The following LRP6 variants were observed in gnomAD, a reference collection of about 807,000 sequenced individuals.
LRP6 encodes low-density lipoprotein receptor-related protein 6.
Under a neutral mutation model 184.1 loss-of-function variants are expected in LRP6, and 43 were observed. The observed-to-expected ratio is 0.23, with a 90% confidence interval of 0.18 to 0.30. The LOEUF is 0.30. Ranked by LOEUF, LRP6 falls within the 10% of genes least tolerant of loss-of-function variation. The pLI is 1.00. For synonymous variants in LRP6, 719 were observed against 684.9 expected (o/e 1.05, Z -0.78); for missense variants, 1,571 against 2,005.3 (o/e 0.78, Z 4.14).
chr12:12,248,193 C>T (rs1865234772), intron 1 of LRP6, among the ~76,000 whole-genome samples: 1 of 152,186 alleles, frequency 6.6e-6, no homozygotes, highest in African/African-American at 2.4e-5. Flanking sequence ...CTCCTCTCTA[C>T]AACTTCGCTC....
Position 12,165,178 on chromosome 12 carries a change from T to C in LRP6, c.1663A>G (p.Ile555Val). ...VYWTDWQRRS[I>V]ERVHKRSAER... ...GCACTTCGTTTATGAACTCTTTCAA[T>C]GCTACGCCTCTGCCAGTCAGTCCAG... The change falls in exon 8 of 23, where the codon ATT (isoleucine) becomes GTT (valine). Residue 555 changes from isoleucine to valine, a missense_variant. Transcript: ENST00000261349. 6.2e-7 allele frequency: 1 copy of C among 1,614,100 alleles called. No individual in the cohort carries two copies. The highest frequency in any genetic ancestry group is 1.1e-5 in the South Asian group (1 of 91,082).
intron 3 of LRP6, among the ~76,000 whole-genome samples, chr12:12,187,732 T>G (rs1362729602): frequency 6.6e-6 from 1 of 152,210 alleles, no homozygotes; most frequent in East Asian, 1.9e-4. Context: ...GTGATCATCT[T>G]AGCTGACTTT....
chr12:12,156,116 T>C (rs551457396), intron 12 of LRP6, among the ~76,000 whole-genome samples: 1 of 152,096 alleles, frequency 6.6e-6, no homozygotes, highest in African/African-American at 2.4e-5. Context: ...GTGAAAGTGC[T>C]ATGGGAAAAA....
intron 2 of LRP6, among the ~76,000 whole-genome samples, chr12:12,228,224 T>C (rs962286765): frequency 6.6e-6 from 1 of 151,882 alleles, no homozygotes; most frequent in Non-Finnish European, 1.5e-5. Context: ...ATACAAAAAT[T>C]AGCTGATGCA....
chr12:12,202,998 G>C (rs1432938765), intron 3 of LRP6, among the ~76,000 whole-genome samples: 1 of 152,208 alleles, frequency 6.6e-6, no homozygotes. Context: ...AGGAAATACA[G>C]TCTGTAAATT....
At chr12:12,249,270 T>C (rs891077807) in intron 1 of LRP6, 46 of 998,956 alleles carry the variant, frequency 4.6e-5, no homozygotes, top group Non-Finnish European at 1.4e-5. Flanking sequence ...ATGGAGTTAA[T>C]AGTTCTAATG....
At chr12:12,232,117 C>T (rs1864806563) in intron 2 of LRP6, among the ~76,000 whole-genome samples, 1 of 152,002 alleles carries the variant, frequency 6.6e-6, no homozygotes, top group Non-Finnish European at 1.5e-5. Flanking sequence ...GGCACGGTGG[C>T]TCACGACTGT....
intron 12 of LRP6, among the ~76,000 whole-genome samples, chr12:12,153,841 GT>G (rs2136925650): frequency 6.6e-6 from 1 of 152,304 alleles, no homozygotes; most frequent in Admixed American, 6.5e-5. Context: ...GAGCTTTTCA[GT>G]TCTCTTCTGA....
At position 12,138,404 on chromosome 12, in the gene LRP6, C is replaced by G; in HGVS notation, c.3528G>C (p.Glu1176Asp). Reference protein sequence around the residue: ...MIEKIDMTGREGRTKVQARIA... With the variant: ...MIEKIDMTGRDGRTKVQARIA... Reference sequence around the variant, plus strand: ...TTCGAGCTTGGACTTTGGTTCTACCCTCTCGACCTGTCATGTCAATTTTTT... The same window carrying G: ...TTCGAGCTTGGACTTTGGTTCTACCGTCTCGACCTGTCATGTCAATTTTTT... Residue 1176 changes from glutamate (E) to aspartate (D), a missense_variant, in exon 16 of 23, where the codon GAG (glutamate) becomes GAC (aspartate). Transcript: ENST00000261349. 6.2e-7 allele frequency: 1 copy of G among 1,614,152 alleles called. No homozygotes were observed.
At chr12:12,239,734 A>G (rs1216039252) in intron 2 of LRP6, among the ~76,000 whole-genome samples, 1 of 151,730 alleles carries the variant, frequency 6.6e-6, no homozygotes, top group Non-Finnish European at 1.5e-5. Flanking sequence ...CCAAGTTTCA[A>G]TCTTCTACTA....
intron 5 of LRP6, among the ~76,000 whole-genome samples, chr12:12,183,459 TTTC>T (rs1477718793): frequency 6.6e-6 from 1 of 152,246 alleles, no homozygotes; most frequent in Non-Finnish European, 1.5e-5. Context: ...GCAAAGTGTG[TTTC>T]TTAAGTATAA....
intron 18 of LRP6, among the ~76,000 whole-genome samples, chr12:12,131,096 C>CGTTTTTTTTTTTTTTTTTTTTTT (rs1949746766): frequency 9.5e-6 from 1 of 105,350 alleles, no homozygotes. Context: ...AATTTCCTAA[C>CGTTTTTTTTTTTTTTTTTTTTTT]ATTTTTTTTT....
intron 2 of LRP6, among the ~76,000 whole-genome samples, chr12:12,205,778 T>C (rs1043214755): frequency 1.3e-5 from 2 of 152,220 alleles, no homozygotes; most frequent in African/African-American, 2.4e-5. Flanking sequence ...GTGTATGTCA[T>C]GGGTCAGAGC....
chr12:12,264,530 C>T (rs1865707829), intron 1 of LRP6, among the ~76,000 whole-genome samples: 3 of 152,178 alleles, frequency 2.0e-5, no homozygotes, highest in Admixed American at 1.3e-4. Context: ...GGCTACAGGA[C>T]AGAAGGTCTC....
At chr12:12,249,321 G>A in intron 1 of LRP6, 1 of 1,147,828 alleles carries the variant, frequency 8.7e-7, no homozygotes, top group Non-Finnish European at 1.3e-6. Flanking sequence ...TAGCAAAATG[G>A]CAGAATTCAC....
rs1401793696 is a variant in LRP6, at chr12:12,184,024, G to A, written c.932C>T (p.Pro311Leu). 1.9e-6 allele frequency: 3 copies of A among 1,612,852 alleles called. No homozygotes were observed. Among genetic ancestry groups the A allele is most frequent in the East Asian group, 2.2e-5 (1 of 44,870 alleles). ...PVKPFYQCAC[P>L]TGVKLLENGK... is the part of the protein sequence containing the mutation. ...ATTCTCCAGGAGTTTGACCCCAGTG[G>A]GGCAAGCACACTGATAAAAAGGCTT... The change falls in exon 5 of 23, where the codon CCC (proline) becomes CTC (leucine). Residue 311 changes from proline (P) to leucine (L), a missense_variant. Physicochemically the swap from Pro to Leu is moderately conservative, Grantham distance 98. This residue lies in a region of LRP6 where 640 missense variants were observed against 851.9 expected (regional missense o/e 0.75). Transcript: ENST00000261349.
intron 8 of LRP6, 37 bp downstream of exon 8, chr12:12,165,042 T>C (rs1862843288): frequency 6.6e-7 from 1 of 1,522,826 alleles, no homozygotes; most frequent in Non-Finnish European, 9.1e-7. Context: ...TTTTCATTCC[T>C]GGTTCCCATT....
intron 7 of LRP6, among the ~76,000 whole-genome samples, chr12:12,175,358 C>T (rs576204591): frequency 3.3e-5 from 5 of 152,110 alleles, no homozygotes; most frequent in African/African-American, 1.2e-4. Flanking sequence ...CACTGCACTC[C>T]AGCCTGGGCG....
chr12:12,198,337 G>A (rs185747091), intron 3 of LRP6, among the ~76,000 whole-genome samples: 3 of 152,042 alleles, frequency 2.0e-5, no homozygotes, highest in Admixed American at 6.5e-5. Flanking sequence ...CCTATCTTCA[G>A]TATTTATCAT....
Sources: allele counts gnomAD v4.1 joint callset (sites outside exome capture counted in the v4.1 genomes callset), GRCh38; gene constraint gnomAD v4.1.1; regional missense constraint gnomAD v4.1.1; transcripts MANE v1.5; gene names NCBI Gene and HGNC (gene_info 2026-07-23, HGNC 2026-07-21).